Variants in VPS13B observed in about 807,000 individuals in gnomAD.
VPS13B encodes vacuolar protein sorting 13 homolog B.
A neutral mutation model predicts 426.4 loss-of-function variants in VPS13B; 285 were observed. The ratio of observed to expected loss-of-function variants is 0.67; its 90% CI spans 0.61 to 0.74. The LOEUF (loss-of-function observed/expected upper bound fraction) is 0.74. Ranked by LOEUF, VPS13B falls within the 30% of genes least tolerant of loss-of-function variation. The pLI is 0.00. For missense variants in VPS13B, 4,537 were observed against 4,782.6 expected (o/e 0.95, Z 1.51); for synonymous variants, 1,676 against 1,676.4 (o/e 1.00, Z 0.01).
chr8:99,094,632 T>C (rs1252737886), intron 3 of VPS13B, among the ~76,000 whole-genome samples: 1 of 152,162 alleles, frequency 6.6e-6, no homozygotes, highest in Non-Finnish European at 1.5e-5. Context: ...TGCTGTTTTG[T>C]AAAACACCTT....
At chr8:99,082,944 G>A (rs1381684856) in intron 3 of VPS13B, among the ~76,000 whole-genome samples, 4 of 152,112 alleles carry the variant, frequency 2.6e-5, no homozygotes, top group Non-Finnish European at 5.9e-5. Context: ...TGGCAATGCG[G>A]GCTCTTTTTT....
chr8:99,209,859 C>T (rs983982535), intron 17 of VPS13B: 9 of 558,146 alleles, frequency 1.6e-5, no homozygotes, highest in Non-Finnish European at 2.0e-5. Context: ...AGTTACAGAA[C>T]TTAAAGTTTA....
At chr8:99,621,831 T>C (rs1007863678) in intron 33 of VPS13B, among the ~76,000 whole-genome samples, 1 of 136,618 alleles carries the variant, frequency 7.3e-6, no homozygotes, top group African/African-American at 2.7e-5. Flanking sequence ...TTTTTTTTTT[T>C]TTTTTTTTTT....
In VPS13B at chr8:99,715,007, T is replaced by C. The variant is rs531054737; in HGVS notation, c.6455-2164T>C. ...TTTCAGTATTTGTACTAAAGGTACA[T>C]AGCTAGGTGAAGGGTGTACAGGAAC... is the stretch of plus-strand genomic sequence containing the variant. On this transcript the variant is annotated intron_variant, in intron 36 of 61. Coordinates refer to ENST00000357162, the MANE Select transcript of VPS13B (RefSeq NM_152564.5). Among the ~76,000 whole-genome samples the C allele has an allele frequency of 1.2e-4, 18 of 152,290 alleles. No homozygotes were observed. The South Asian group carries it at 3.7e-3, about 32-fold the overall frequency.
At chr8:99,361,873 A>G (rs544522963) in intron 19 of VPS13B, among the ~76,000 whole-genome samples, 13 of 152,338 alleles carry the variant, frequency 8.5e-5, no homozygotes, top group Non-Finnish European at 1.8e-4. Context: ...TATAATAGGC[A>G]TGTTATAAAT....
intron 42 of VPS13B, among the ~76,000 whole-genome samples, chr8:99,781,850 G>A (rs1188970718): frequency 1.5e-4 from 23 of 152,018 alleles, no homozygotes; most frequent in Admixed American, 1.5e-3. Context: ...GTGGGAGATT[G>A]GAATCATATC....
At chr8:99,061,214 A>G (rs961869144) in intron 3 of VPS13B, among the ~76,000 whole-genome samples, 3 of 150,764 alleles carry the variant, frequency 2.0e-5, no homozygotes, top group African/African-American at 4.9e-5. Context: ...TATTTGATTC[A>G]TATGCTCTGG....
At chr8:99,835,467 C>A in intron 53 of VPS13B, 72 bp from the exon 54 acceptor site, 1 of 1,542,386 alleles carries the variant, frequency 6.5e-7, no homozygotes, top group African/African-American at 1.4e-5. Context: ...TTTCTTTTGC[C>A]ACATTATGTT....
At chr8:99,277,999 T>G (rs936365327) in intron 19 of VPS13B, among the ~76,000 whole-genome samples, 2 of 152,164 alleles carry the variant, frequency 1.3e-5, no homozygotes, top group Non-Finnish European at 2.9e-5. Flanking sequence ...AAAAAGATGT[T>G]AGGTGGTTAA....
chr8:99,192,202 C>G (rs892733038), intron 16 of VPS13B, among the ~76,000 whole-genome samples: 3 of 151,966 alleles, frequency 2.0e-5, no homozygotes, highest in African/African-American at 7.3e-5. Flanking sequence ...ATAGACAAAA[C>G]CAAATGAATA....
At position 99,778,766 on chromosome 8, in the gene VPS13B, C is replaced by A. The variant is rs1811866836; in HGVS notation, c.7514C>A (p.Pro2505Gln). 6.2e-7 allele frequency: 1 copy of A among 1,613,910 alleles called. No individual in the cohort carries two copies. The highest frequency in any genetic ancestry group is 8.5e-7 in the Non-Finnish European group (1 of 1,179,904). ...TACATGATTGTTTCCTTCAGAGAAC[C>A]ACACATGTATCTTCGACAGTGGAAT... is the stretch of plus-strand genomic sequence containing the variant. ...LEYMIVSFRE[P>Q]HMYLRQWNNG... Residue 2505 changes from proline to glutamine, a missense_variant, in exon 42 of 62, where the codon CCA becomes CAA. Coordinates refer to ENST00000357162, the MANE Select transcript of VPS13B (RefSeq NM_152564.5).
At chr8:99,839,067 C>T (rs1276894751) in intron 54 of VPS13B, among the ~76,000 whole-genome samples, 2 of 152,172 alleles carry the variant, frequency 1.3e-5, no homozygotes, top group East Asian at 3.9e-4. Context: ...GAAGTCATTG[C>T]ATTGTTTATG....
chr8:99,843,101 C>T (rs1815794207), intron 54 of VPS13B, among the ~76,000 whole-genome samples: 1 of 152,160 alleles, frequency 6.6e-6, no homozygotes, highest in African/African-American at 2.4e-5. Context: ...TTGCAGTGAG[C>T]CATGATCGTG....
intron 19 of VPS13B, among the ~76,000 whole-genome samples, chr8:99,287,526 GTAA>G (rs1819513583): frequency 6.6e-6 from 1 of 151,804 alleles, no homozygotes; most frequent in South Asian, 2.1e-4. Flanking sequence ...TTCTTTGAAT[GTAA>G]TAATGACATC....
chr8:99,275,207 C>T lies in VPS13B; in HGVS notation c.2777C>T (p.Ala926Val), dbSNP rs1588199476. ...TCTCTCTTAGCTCCAGATTTGATGG[C>T]CTTCACAATCCAAGTTCCACAATAT... Reference protein sequence around the residue: ...PESLLAPDLMAFTIQVPQYID... With the variant: ...PESLLAPDLMVFTIQVPQYID... Residue 926 changes from alanine (A) to valine (V), a missense_variant, in exon 19 of 62, where the codon GCC (alanine) becomes GTC (valine). Ala to Val is a moderately conservative substitution (Grantham distance 64). Coordinates refer to ENST00000357162, the MANE Select transcript of VPS13B (RefSeq NM_152564.5). The T allele has an allele frequency of 1.2e-6, 2 of 1,612,676 alleles. No homozygotes were observed. The highest frequency in any genetic ancestry group is 1.7e-6 in the Non-Finnish European group (2 of 1,179,442).
At chr8:99,348,256 T>C (rs1811656311) in intron 19 of VPS13B, 1 of 152,260 alleles carries the variant, frequency 6.6e-6, no homozygotes, top group Admixed American at 6.5e-5. Context: ...ATGATATTTC[T>C]GCACACTGGA....
chr8:99,766,813 G>GT lies in VPS13B; in HGVS notation c.7095dup (p.Val2366CysfsTer4). The GT allele has an allele frequency of 6.2e-7, 1 of 1,613,932 alleles. No homozygotes were observed. Among genetic ancestry groups the GT allele is most frequent in the East Asian group, 2.2e-5 (1 of 44,826 alleles). ...GGAATACTGGGATGAACTCCAGAAG[G>GT]TTTTTGTTGCATTTAGAGAATTTAA... On this transcript the variant is annotated frameshift_variant, in exon 40 of 62. Coordinates refer to ENST00000357162, the MANE Select transcript of VPS13B (RefSeq NM_152564.5). LOFTEE classifies it high-confidence loss of function.
At chr8:99,640,007 T>G (rs368517459) in intron 33 of VPS13B, among the ~76,000 whole-genome samples, 2,160 of 76,152 alleles carry the variant, frequency 0.028, 68 homozygotes, top group African/African-American at 0.077. Flanking sequence ...ATAATAATAA[T>G]AATAATAATA....
chr8:99,178,085 T>C (rs1430092288), intron 16 of VPS13B, among the ~76,000 whole-genome samples: 3 of 152,244 alleles, frequency 2.0e-5, no homozygotes, highest in East Asian at 3.9e-4. Context: ...GCCTAGGTTT[T>C]CTTTTTATGA....
Sources: gnomAD v4.1 joint callset for allele counts (sites outside exome capture counted in the v4.1 genomes callset) on GRCh38, gnomAD v4.1.1 for gene constraint, MANE v1.5 for transcripts, NCBI Gene and HGNC (gene_info 2026-07-23, HGNC 2026-07-21) for gene names.